NAV2: variants seen among roughly 807,000 people sequenced by gnomAD.
NAV2 encodes neuron navigator 2, also known as helicase, APC down-regulated 1.
A neutral mutation model predicts 223.2 loss-of-function variants in NAV2; 54 were observed. That is an observed-to-expected ratio of 0.24 (90% CI 0.19 to 0.30). The LOEUF is 0.30. Ranked by LOEUF, NAV2 falls within the 10% of genes least tolerant of loss-of-function variation. The pLI is 1.00. For synonymous variants in NAV2, 1,279 were observed against 1,239.3 expected, an observed-to-expected ratio of 1.03 and a Z score of -0.67; for missense variants, 2,806 against 3,147.5, an observed-to-expected ratio of 0.89 and a Z score of 2.60.
chr11:19,549,344 G>A (rs1397520393), intron 1 of NAV2, among the ~76,000 whole-genome samples: 2 of 152,218 alleles, frequency 1.3e-5, no homozygotes, highest in Non-Finnish European at 2.9e-5. Context: ...TTCACGAAGA[G>A]AGGTTGGCGT....
upstream of NAV2, chr11:19,711,278 C>T (rs7109379): frequency 0.097 from 14,841 of 152,254 alleles, 789 homozygotes; most frequent in African/African-American, 0.12. Flanking sequence ...AACAAAAATA[C>T]CATAAACAGG....
At chr11:19,794,130 C>T (rs1418344902) in intron 1 of NAV2, among the ~76,000 whole-genome samples, 2 of 152,190 alleles carry the variant, frequency 1.3e-5, no homozygotes, top group Non-Finnish European at 2.9e-5. Context: ...TGGTACCTCA[C>T]AGAATATCTG....
intron 11 of NAV2, among the ~76,000 whole-genome samples, chr11:20,003,343 A>G (rs1179739698): frequency 6.6e-6 from 1 of 152,152 alleles, no homozygotes; most frequent in Admixed American, 6.5e-5. Context: ...GAGGGGAAAA[A>G]CTATGGCCAC....
At chr11:19,501,950 C>A (rs796709352) in intron 1 of NAV2, among the ~76,000 whole-genome samples, 4 of 152,206 alleles carry the variant, frequency 2.6e-5, no homozygotes, top group East Asian at 1.9e-4. Flanking sequence ...CAGTTATATC[C>A]TTTTTAGCTT....
At chr11:19,949,844 A>C (rs150563360) in intron 10 of NAV2, among the ~76,000 whole-genome samples, 2 of 152,340 alleles carry the variant, frequency 1.3e-5, no homozygotes, top group East Asian at 3.9e-4. Context: ...AGGAGCTCAT[A>C]AATATTGCTA....
intron 19 of NAV2, among the ~76,000 whole-genome samples, chr11:20,061,441 C>A (rs1019740439): frequency 4.6e-5 from 7 of 151,890 alleles, no homozygotes; most frequent in Non-Finnish European, 5.9e-5. Context: ...TGGTGGCGCA[C>A]GCCTATAATC....
chr11:19,491,001 G>A (rs549275092), intron 1 of NAV2, among the ~76,000 whole-genome samples: 1 of 152,276 alleles, frequency 6.6e-6, no homozygotes, highest in Admixed American at 6.5e-5. Context: ...CATTGTCAAT[G>A]AGCAATAATA....
chr11:19,578,399 G>T (rs912011660), intron 1 of NAV2, among the ~76,000 whole-genome samples: 24 of 152,238 alleles, frequency 1.6e-4, no homozygotes, highest in African/African-American at 5.3e-4. Context: ...GTCCTGGGCT[G>T]CTCTCTGAGT....
At chr11:19,897,031 C>G (rs567528639) in intron 6 of NAV2, among the ~76,000 whole-genome samples, 1 of 152,136 alleles carries the variant, frequency 6.6e-6, no homozygotes, top group South Asian at 2.1e-4. Context: ...GGCACATATA[C>G]ACCATGGAAT....
At chr11:19,776,281 C>T (rs960706877) in intron 1 of NAV2, among the ~76,000 whole-genome samples, 42 of 152,150 alleles carry the variant, frequency 2.8e-4, no homozygotes, top group African/African-American at 9.2e-4. Flanking sequence ...TGGAGGGTCA[C>T]TGCCAGATGA....
intron 6 of NAV2, among the ~76,000 whole-genome samples, chr11:19,932,286 GT>G (rs2045445104): frequency 7.0e-6 from 1 of 142,366 alleles, no homozygotes; most frequent in Admixed American, 7.0e-5. Context: ...AAAAAAAGCT[GT>G]TTTTAAGTCC....
At chr11:19,587,501 A>T (rs947614341) in intron 1 of NAV2, among the ~76,000 whole-genome samples, 3 of 152,184 alleles carry the variant, frequency 2.0e-5, no homozygotes, top group African/African-American at 7.2e-5. Context: ...AGCTGTTCCT[A>T]TTCAGCCACC....
At chr11:19,637,674 A>G (rs954091925) in intron 1 of NAV2, among the ~76,000 whole-genome samples, 34 of 152,218 alleles carry the variant, frequency 2.2e-4, no homozygotes, top group Non-Finnish European at 3.5e-4. Flanking sequence ...GAATTGGAGC[A>G]AGGGGGTGGA....
chr11:20,034,318 T>G (rs1332444797), intron 11 of NAV2, among the ~76,000 whole-genome samples: 1 of 152,004 alleles, frequency 6.6e-6, no homozygotes, highest in Non-Finnish European at 1.5e-5. Flanking sequence ...ATTGTCTACG[T>G]GACTTCTCAC....
At position 20,119,472 on chromosome 11, in the gene NAV2, C is replaced by T. The variant is rs768097752; in HGVS notation, c.*1214C>T. On this transcript the variant is annotated 3_prime_UTR_variant, in exon 38 of 38. Coordinates refer to ENST00000349880, the MANE Select transcript of NAV2 (RefSeq NM_145117.5). ...ACCTCCAGCGTCCCCGCCCCAGCTT[C>T]CGGTGGGGTGATGCGGTCACCCTGC... The T allele has an allele frequency of 2.0e-5, 3 of 152,658 alleles. No individual in the cohort carries two copies. Among genetic ancestry groups the T allele is most frequent in the Non-Finnish European group, 4.4e-5 (3 of 68,114 alleles). 9.5% of individuals were successfully genotyped at this position (152,658 alleles called of 1,614,324 possible).
chr11:19,883,151 A>G (rs1366997627), intron 5 of NAV2, among the ~76,000 whole-genome samples: 4 of 152,192 alleles, frequency 2.6e-5, no homozygotes. Flanking sequence ...AACTCTGCCT[A>G]AAAACTATTT....
chr11:20,071,650 C>T (rs1727381843), intron 22 of NAV2, among the ~76,000 whole-genome samples: 1 of 151,404 alleles, frequency 6.6e-6, no homozygotes, highest in Admixed American at 6.6e-5. Flanking sequence ...TTAATGATTG[C>T]CATTCTAACT....
chr11:19,418,545 G>A (rs947750517), intron 1 of NAV2, among the ~76,000 whole-genome samples: 13 of 152,158 alleles, frequency 8.5e-5, no homozygotes, highest in African/African-American at 2.9e-4. Context: ...CAGACAGAGC[G>A]ATCAGCATGT....
chr11:19,598,538 C>A (rs1453528172), intron 1 of NAV2, among the ~76,000 whole-genome samples: 1 of 152,190 alleles, frequency 6.6e-6, no homozygotes, highest in Non-Finnish European at 1.5e-5. Flanking sequence ...ATGTGCTGGG[C>A]ATGCCAGACC....
Sources: gnomAD v4.1 joint callset for allele counts (sites outside exome capture counted in the v4.1 genomes callset) on GRCh38, gnomAD v4.1.1 for gene constraint, MANE v1.5 for transcripts, NCBI Gene and HGNC (gene_info 2026-07-23, HGNC 2026-07-21) for gene names.